Variants in PARP8 observed in about 807,000 individuals in gnomAD.
The protein encoded by PARP8 is protein mono-ADP-ribosyltransferase PARP8.
Under a neutral mutation model 124.1 loss-of-function variants are expected in PARP8, and 51 were observed. The ratio of observed to expected loss-of-function variants is 0.41; its 90% CI spans 0.33 to 0.52. The LOEUF is 0.52. PARP8 is among the 20% of genes least tolerant of loss of function. The pLI is 0.21. For missense variants in PARP8, 860 were observed against 1,018.9 expected (o/e 0.84, Z 2.12); for synonymous variants, 391 against 361.5 (o/e 1.08, Z -0.93).
intron 22 of PARP8, among the ~76,000 whole-genome samples, chr5:50,831,106 A>G (rs941127123): frequency 1.3e-5 from 2 of 152,222 alleles, no homozygotes; most frequent in African/African-American, 4.8e-5. Flanking sequence ...AGCAACATTG[A>G]TAAATGGTAA....
intron 15 of PARP8, among the ~76,000 whole-genome samples, chr5:50,815,996 T>C (rs1206029106): frequency 6.6e-6 from 1 of 151,916 alleles, no homozygotes; most frequent in Non-Finnish European, 1.5e-5. Flanking sequence ...TCCAGATTTT[T>C]TTTTTCCCTC....
At chr5:50,719,700 G>T (rs1755680282) in intron 2 of PARP8, among the ~76,000 whole-genome samples, 1 of 151,918 alleles carries the variant, frequency 6.6e-6, no homozygotes, top group Admixed American at 6.6e-5. Flanking sequence ...TTTGGCTCCT[G>T]TGTTGTAGAT....
chr5:50,667,633 G>A (rs760886630), intron 1 of PARP8: 2 of 699,094 alleles, frequency 2.9e-6, no homozygotes, highest in African/African-American at 3.5e-5. Flanking sequence ...GGACCCCCGG[G>A]GGGCAGCGCT....
chr5:50,791,116 C>T (rs948187543), intron 10 of PARP8, among the ~76,000 whole-genome samples: 2 of 152,112 alleles, frequency 1.3e-5, no homozygotes, highest in Non-Finnish European at 2.9e-5. Context: ...AGTTGGTTTT[C>T]AGTAAATAGA....
intron 2 of PARP8, among the ~76,000 whole-genome samples, chr5:50,699,429 G>A (rs1435471500): frequency 6.6e-6 from 1 of 152,152 alleles, no homozygotes. Context: ...GTATTTGTAC[G>A]TAACACTTTC....
intron 7 of PARP8, among the ~76,000 whole-genome samples, chr5:50,770,875 G>T (rs1432974289): frequency 6.6e-6 from 1 of 151,848 alleles, no homozygotes; most frequent in Non-Finnish European, 1.5e-5. Context: ...CATTTGCTTG[G>T]CCCTTATTCT....
At chr5:50,720,972 C>CA (rs1755815631) in intron 2 of PARP8, among the ~76,000 whole-genome samples, 1 of 151,846 alleles carries the variant, frequency 6.6e-6, no homozygotes, top group Non-Finnish European at 1.5e-5. Context: ...CCTTGTGCTC[C>CA]AAGTCTCCAG....
chr5:50,710,564 C>T (rs1427853703), intron 2 of PARP8, among the ~76,000 whole-genome samples: 1 of 152,018 alleles, frequency 6.6e-6, no homozygotes, highest in African/African-American at 2.4e-5. Context: ...AGAATGGGTT[C>T]AACACCTGAT....
chr5:50,686,648 G>A (rs1466206294), intron 2 of PARP8, among the ~76,000 whole-genome samples: 10 of 152,202 alleles, frequency 6.6e-5, no homozygotes, highest in Non-Finnish European at 5.9e-5. Context: ...ACTTTTGCCT[G>A]GGCATCCAGG....
intron 14 of PARP8, 46 bp from the exon 15 acceptor site, chr5:50,815,386 G>T: frequency 7.4e-7 from 1 of 1,359,520 alleles, no homozygotes; most frequent in South Asian, 1.4e-5. Flanking sequence ...TTTTGATATT[G>T]AGAGTTGGAA....
rs1310895369 is a variant in PARP8, at chr5:50,816,496, G to A, written c.1668+972G>A. Reference sequence around the variant, plus strand: ...GTTTAATAATACAGATGGTAGCCTAGAGCTTAGGAATGTACACACTCCTTG... The same window carrying A: ...GTTTAATAATACAGATGGTAGCCTAAAGCTTAGGAATGTACACACTCCTTG... On this transcript the variant is annotated intron_variant, in intron 15 of 25. Coordinates refer to ENST00000281631, the MANE Select transcript of PARP8 (RefSeq NM_024615.4). Among the ~76,000 whole-genome samples, 5 of 152,146 alleles carry A rather than the reference G, an allele frequency of 3.3e-5. No individual in the cohort carries two copies. The East Asian group carries it at 7.7e-4, about 23-fold the overall frequency.
chr5:50,837,687 C>T (rs1747736631), intron 25 of PARP8, among the ~76,000 whole-genome samples: 1 of 151,328 alleles, frequency 6.6e-6, no homozygotes, highest in African/African-American at 2.4e-5. Flanking sequence ...ACATGTTTTC[C>T]AGCAAGTAAG....
At chr5:50,745,399 G>T (rs1375210889) in intron 2 of PARP8, among the ~76,000 whole-genome samples, 1 of 152,170 alleles carries the variant, frequency 6.6e-6, no homozygotes, top group East Asian at 1.9e-4. Context: ...GCTGTTATGT[G>T]TCTGGCATTG....
chr5:50,810,109 C>T (rs1185064616), intron 14 of PARP8, among the ~76,000 whole-genome samples: 1 of 151,840 alleles, frequency 6.6e-6, no homozygotes, highest in African/African-American at 2.4e-5. Context: ...ATTTTAGGGA[C>T]ATATATAAAT....
At chr5:50,670,679 T>C (rs1749908318) in intron 2 of PARP8, among the ~76,000 whole-genome samples, 1 of 152,216 alleles carries the variant, frequency 6.6e-6, no homozygotes, top group African/African-American at 2.4e-5. Flanking sequence ...CTTTTGGATG[T>C]GCAAACTGAG....
At chr5:50,825,883 A>C (rs1746292120) in intron 18 of PARP8, among the ~76,000 whole-genome samples, 2 of 152,182 alleles carry the variant, frequency 1.3e-5, no homozygotes, top group African/African-American at 4.8e-5. Context: ...CACTTCATTA[A>C]AATTTTATAG....
chr5:50,727,029 A>C (rs1418298456), intron 2 of PARP8, among the ~76,000 whole-genome samples: 1 of 152,108 alleles, frequency 6.6e-6, no homozygotes, highest in Non-Finnish European at 1.5e-5. Flanking sequence ...ATAAATCAAA[A>C]CCATCTGAAA....
rs958707547 is a variant in PARP8 at position 50,828,209 on chromosome 5, C to T, written c.2091-103C>T. The T allele has an allele frequency of 7.9e-5, 99 of 1,251,038 alleles. 1 individual carries two copies. The highest frequency in any genetic ancestry group is 1.0e-4 in the Non-Finnish European group (89 of 867,312). The allele number at this position is 1,251,038 out of a possible 1,614,324, so 77.5% of individuals were successfully genotyped here. On this transcript the variant is annotated intron_variant, in intron 20 of 25. Coordinates refer to ENST00000281631, the MANE Select transcript of PARP8 (RefSeq NM_024615.4). Reference sequence around the variant, plus strand: ...GTCAACTACATAATACTTGATTTGGCAATCCAGAACCTTCAGAAGGCACCA... The same window carrying T: ...GTCAACTACATAATACTTGATTTGGTAATCCAGAACCTTCAGAAGGCACCA...
At chr5:50,780,544 T>G (rs914867050) in intron 9 of PARP8, among the ~76,000 whole-genome samples, 1 of 152,162 alleles carries the variant, frequency 6.6e-6, no homozygotes, top group Admixed American at 6.5e-5. Context: ...CTTTAAAGAT[T>G]TTTTACATTT....
Sources: gnomAD v4.1 joint callset for allele counts (sites outside exome capture counted in the v4.1 genomes callset) on GRCh38, gnomAD v4.1.1 for gene constraint, MANE v1.5 for transcripts, NCBI Gene and HGNC (gene_info 2026-07-23, HGNC 2026-07-21) for gene names.